The following PLS3 variants were observed in gnomAD, a reference collection of about 807,000 sequenced individuals.
The protein encoded by PLS3 is plastin-3.
In PLS3, 11 loss-of-function variants were observed where a neutral mutation model predicts 46.5. That is an observed-to-expected ratio of 0.24 (90% CI 0.15 to 0.39). PLS3 has a LOEUF of 0.39. Ranked by LOEUF, PLS3 falls within the 10% of genes least tolerant of loss-of-function variation. PLS3 has a pLI of 1.00. For missense variants in PLS3, 308 were observed against 461.8 expected, an observed-to-expected ratio of 0.67 and a Z score of 3.05; for synonymous variants, 167 against 162.2, an observed-to-expected ratio of 1.03 and a Z score of -0.22.
intron 1 of PLS3, among the ~76,000 whole-genome samples, chrX:115,606,357 C>T (rs1192570790): frequency 9.3e-6 from 1 of 108,024 alleles, no homozygotes; most frequent in Non-Finnish European, 1.9e-5. Flanking sequence ...AGGCTGGTCT[C>T]GAACTCCTGG....
At chrX:115,638,217 T>C (rs1569528940) in intron 8 of PLS3, among the ~76,000 whole-genome samples, 2 of 111,332 alleles carry the variant, frequency 1.8e-5, no homozygotes, top group South Asian at 3.8e-4. Context: ...TTCAAGAGAT[T>C]CTTCTGCCTC....
Position 115,646,173 on chromosome X carries a change from C to A in PLS3, c.1364C>A (p.Ala455Asp). The change falls in exon 12 of 16, where the codon GCC becomes GAC. Residue 455 changes from alanine (A) to aspartate (D), a missense_variant. Physicochemically the swap from Ala to Asp is moderately radical, Grantham distance 126 (BLOSUM62 -2). Transcript: ENST00000355899. ...AAACCTCCATACCCGAAACTGGGAG[C>A]CAACATGAAAAAGGTAGATAATTAA... The part of the protein sequence containing the change: ...VNKPPYPKLG[A>D]NMKKLENCNY... The A allele has an allele frequency of 8.9e-7, 1 of 1,118,845 alleles. No individual in the cohort carries two copies. Among genetic ancestry groups the A allele is most frequent in the Admixed American group, 2.3e-5 (1 of 43,669 alleles). 92.2% of individuals were successfully genotyped at this position (1,118,845 alleles called of 1,213,427 possible).
rs2074663861 is a variant in PLS3, at chrX:115,622,270, G to C, written c.98G>C (p.Cys33Ser). 1 of 1,196,366 alleles carries C rather than the reference G, an allele frequency of 8.4e-7. No individual in the cohort carries two copies. Among genetic ancestry groups the C allele is most frequent in the African/African-American group, 1.8e-5 (1 of 56,715 alleles). Residue 33 changes from cysteine to serine, a missense_variant, in exon 3 of 16, where the codon TGT becomes TCT. Cys to Ser is a moderately radical substitution (Grantham distance 112). Transcript: ENST00000355899. ...GATCTCAACAGCAACGGATTCATTT[G>C]TGACTATGAACTTCATGAGCTCTTC... ...KVDLNSNGFI[C>S]DYELHELFKE... is the part of the protein sequence containing the mutation.
intron 14 of PLS3, 102 bp downstream of exon 14, chrX:115,647,775 G>T: frequency 9.0e-7 from 1 of 1,116,606 alleles, no homozygotes; most frequent in Admixed American, 2.3e-5. Flanking sequence ...ATTAGTGTTG[G>T]GCTAATGGCA....
At chrX:115,649,351 A>G (rs2074982401) in intron 15 of PLS3, 78 bp from the exon 16 acceptor site, 1 of 780,960 alleles carries the variant, frequency 1.3e-6, no homozygotes. Flanking sequence ...TAATAATTAT[A>G]TATGAGGAAA....
chrX:115,592,806 C>T (rs782040929), intron 1 of PLS3, among the ~76,000 whole-genome samples: 2 of 111,044 alleles, frequency 1.8e-5, no homozygotes, highest in African/African-American at 6.5e-5. Flanking sequence ...ATCTTCATCC[C>T]GGGATGAGAA....
chrX:115,633,194 G>A lies in PLS3; in HGVS notation c.501-806G>A, dbSNP rs781902386. ...CTTTTTGGGTTTTTTTTTTTTTAAC[G>A]GCATCTTGCTGTGTTGTCCAGGATG... On this transcript the variant is annotated intron_variant, in intron 5 of 15. Transcript: ENST00000355899. Among the ~76,000 whole-genome samples the A allele has an allele frequency of 3.6e-4, 39 of 107,707 alleles. 1 individual carries two copies. Among genetic ancestry groups the A allele is most frequent in the Admixed American group, 2.9e-3 (29 of 10,036 alleles). The allele number at this position is 107,707 out of a possible 115,157, so 93.5% of individuals were successfully genotyped here.
intron 5 of PLS3, among the ~76,000 whole-genome samples, chrX:115,631,972 T>C (rs782583153): frequency 9.1e-6 from 1 of 109,639 alleles, no homozygotes; most frequent in South Asian, 4.0e-4. Flanking sequence ...CCCAGCTAAT[T>C]TTTGTATTTT....
At chrX:115,610,854 C>T in intron 2 of PLS3, 2 of 1,109,472 alleles carry the variant, frequency 1.8e-6, no homozygotes, top group Middle Eastern at 2.4e-4. Context: ...GATGAGAAGG[C>T]ATAGCATGCT....
At chrX:115,610,199 A>G (rs1556635915) in intron 1 of PLS3, 44 bp from the exon 2 acceptor site, 4 of 676,495 alleles carry the variant, frequency 5.9e-6, no homozygotes, top group Non-Finnish European at 4.5e-6. Flanking sequence ...GCTTATATTT[A>G]TCACAATTTT....
chrX:115,641,520 C>A lies in PLS3; in HGVS notation c.987+1017C>A, dbSNP rs937475215. 2.7e-5 allele frequency among the ~76,000 whole-genome samples: 3 copies of A among 110,522 alleles called. 1 individual carries two copies. Among genetic ancestry groups the A allele is most frequent in the Admixed American group, 1.9e-4 (2 of 10,322 alleles). On this transcript the variant is annotated intron_variant, in intron 9 of 15. Transcript: ENST00000355899. ...GGGATTACAGGTGTGAGCCACCGTG[C>A]CTTACGTGGCTAAACCATTTTTATG...
chrX:115,606,985 G>T (rs782476308), intron 1 of PLS3, among the ~76,000 whole-genome samples: 1 of 110,655 alleles, frequency 9.0e-6, no homozygotes, highest in African/African-American at 3.3e-5. Context: ...GGGCGTGGTG[G>T]CTCATACCTG....
intron 2 of PLS3, among the ~76,000 whole-genome samples, chrX:115,611,265 G>T (rs1320642780): frequency 8.9e-6 from 1 of 112,964 alleles, no homozygotes; most frequent in Non-Finnish European, 1.9e-5. Flanking sequence ...AATGACCCCA[G>T]CCAGAGTGAC....
chrX:115,621,767 C>T (rs2074657628), intron 2 of PLS3, among the ~76,000 whole-genome samples: 1 of 111,798 alleles, frequency 8.9e-6, no homozygotes, highest in Admixed American at 9.5e-5. Flanking sequence ...AAATAATTGG[C>T]ACTGAACATG....
chrX:115,564,407 G>T (rs1224160056), intron 1 of PLS3, among the ~76,000 whole-genome samples: 1 of 112,079 alleles, frequency 8.9e-6, no homozygotes, highest in Non-Finnish European at 1.9e-5. Flanking sequence ...GTGGTTACAC[G>T]CACATTAGAC....
At chrX:115,594,058 A>G (rs782107136) in intron 1 of PLS3, among the ~76,000 whole-genome samples, 1 of 111,683 alleles carries the variant, frequency 9.0e-6, no homozygotes, top group East Asian at 2.8e-4. Flanking sequence ...AAAATTCTGT[A>G]AAATGGAGGT....
chrX:115,630,749 CATAT>C (rs199572308), intron 5 of PLS3, among the ~76,000 whole-genome samples: 2 of 91,361 alleles, frequency 2.2e-5, no homozygotes, highest in Admixed American at 2.7e-4. Context: ...TATATTTACA[CATAT>C]ATATTTTATA....
rs1169293778 is a variant in PLS3 at position 115,644,620 on chromosome X, A to AAATC, written c.1184-398_1184-397insCAAT. On this transcript the variant is annotated intron_variant, in intron 10 of 15. Coordinates refer to ENST00000355899, the MANE Select transcript of PLS3 (RefSeq NM_005032.7). ...CTCAAAAATAAATAAATAAATAAAT[A>AAATC]AATAAATAAATAATGCAAATAGTAA... Among the ~76,000 whole-genome samples the AAATC allele has an allele frequency of 2.7e-5, 3 of 109,706 alleles. No individual in the cohort carries two copies. In the Admixed American group the frequency reaches 3.0e-4, roughly 11 times the overall value.
In PLS3 at chrX:115,645,099, C is replaced by G; in HGVS notation, c.1262C>G (p.Ala421Gly). The G allele has an allele frequency of 9.0e-7, 1 of 1,108,655 alleles. No individual in the cohort carries two copies. The highest frequency in any genetic ancestry group is 1.9e-5 in the South Asian group (1 of 53,593). 91.4% of individuals were successfully genotyped at this position (1,108,655 alleles called of 1,213,427 possible). Residue 421 changes from alanine (A) to glycine (G), a missense_variant and splice_region_variant, in exon 11 of 16, where the codon GCT becomes GGT. Around this residue, in one of 2 missense-constraint regions of PLS3, gnomAD observed 271 missense variants for 435.7 expected, o/e 0.62. Coordinates refer to ENST00000355899, the MANE Select transcript of PLS3 (RefSeq NM_005032.7). ...GVNPHVNHLY[A>G]DLQDALVILQ... ...AATCCTCACGTAAACCATCTCTATGCGTAAGCCTTCCTACTGCTATTGTAA... is the reference window on the plus strand; with the variant it reads ...AATCCTCACGTAAACCATCTCTATGGGTAAGCCTTCCTACTGCTATTGTAA...
Sources: gnomAD v4.1 joint callset for allele counts (sites outside exome capture counted in the v4.1 genomes callset) on GRCh38, gnomAD v4.1.1 for gene constraint, gnomAD v4.1.1 regional missense constraint, MANE v1.5 for transcripts, NCBI Gene and HGNC (gene_info 2026-07-23, HGNC 2026-07-21) for gene names.